Variants in NUBPL observed in about 807,000 individuals in gnomAD.
NUBPL encodes the protein iron-sulfur cluster transfer protein NUBPL.
Under a neutral mutation model 45.7 loss-of-function variants are expected in NUBPL, and 31 were observed. The observed-to-expected ratio is 0.68, with a 90% confidence interval of 0.51 to 0.92. NUBPL has a LOEUF of 0.92. Among genes scored for constraint, NUBPL ranks in the 40% least tolerant of loss-of-function variants. NUBPL has a pLI of 0.00. For missense variants in NUBPL, 401 were observed against 398.7 expected, an observed-to-expected ratio of 1.01 and a Z score of -0.05; for synonymous variants, 144 against 140.9, an observed-to-expected ratio of 1.02 and a Z score of -0.15.
At chr14:31,656,760 G>T (rs2036150563) in intron 4 of NUBPL, among the ~76,000 whole-genome samples, 1 of 152,162 alleles carries the variant, frequency 6.6e-6, no homozygotes, top group African/African-American at 2.4e-5. Context: ...GTGAAATATT[G>T]TCAGAATTGC....
intron 6 of NUBPL, among the ~76,000 whole-genome samples, chr14:31,713,785 C>G (rs1035763915): frequency 1.3e-5 from 2 of 152,076 alleles, no homozygotes; most frequent in Non-Finnish European, 2.9e-5. Flanking sequence ...GTCCTTCTAC[C>G]TCTCCCTTTA....
intron 10 of NUBPL, among the ~76,000 whole-genome samples, chr14:31,852,401 G>A (rs908929184): frequency 7.2e-5 from 11 of 152,126 alleles, no homozygotes; most frequent in Admixed American, 3.9e-4. Context: ...GGCCCGGCAC[G>A]GTGGCTCACG....
intron 6 of NUBPL, among the ~76,000 whole-genome samples, chr14:31,745,787 A>G (rs1399291523): frequency 1.3e-5 from 2 of 151,986 alleles, no homozygotes; most frequent in Non-Finnish European, 2.9e-5. Flanking sequence ...TTATTTGTGC[A>G]TGAGACTAAA....
intron 6 of NUBPL, among the ~76,000 whole-genome samples, chr14:31,683,773 A>C (rs530036382): frequency 6.6e-6 from 1 of 150,786 alleles, no homozygotes; most frequent in East Asian, 1.9e-4. Flanking sequence ...TTTTTTTTCT[A>C]TGTTGTGGGT....
chr14:31,651,652 A>C (rs2036006843), intron 4 of NUBPL, among the ~76,000 whole-genome samples: 1 of 152,174 alleles, frequency 6.6e-6, no homozygotes, highest in South Asian at 2.1e-4. Flanking sequence ...TAATCCCAGC[A>C]CTTTTGGAGG....
intron 4 of NUBPL, among the ~76,000 whole-genome samples, chr14:31,658,190 T>A (rs375798670): frequency 6.6e-6 from 1 of 152,252 alleles, no homozygotes; most frequent in East Asian, 1.9e-4. Flanking sequence ...GTGTGTTATC[T>A]ATTAATCTCA....
chr14:31,615,097 TG>T (rs1394614229), intron 4 of NUBPL, among the ~76,000 whole-genome samples: 1 of 152,118 alleles, frequency 6.6e-6, no homozygotes, highest in Admixed American at 6.5e-5. Flanking sequence ...GACTGGATCA[TG>T]GGGGTGGTTT....
intron 4 of NUBPL, among the ~76,000 whole-genome samples, chr14:31,640,942 T>C (rs1458383565): frequency 8.3e-6 from 1 of 121,056 alleles, no homozygotes; most frequent in East Asian, 2.9e-4. Context: ...CTTATTTCTT[T>C]TTGTTTTTTT....
intron 8 of NUBPL, among the ~76,000 whole-genome samples, chr14:31,831,937 T>C (rs2040200372): frequency 6.6e-6 from 1 of 152,188 alleles, no homozygotes; most frequent in South Asian, 2.1e-4. Context: ...AGGGAACATT[T>C]GCAATGATCA....
At chr14:31,607,322 G>A (rs970904562) in intron 4 of NUBPL, among the ~76,000 whole-genome samples, 1 of 151,818 alleles carries the variant, frequency 6.6e-6, no homozygotes, top group Non-Finnish European at 1.5e-5. Flanking sequence ...GGTGGAGGTT[G>A]CAGTGAGCCG....
Position 31,841,917 on chromosome 14 carries a change from C to CTTTTGTTTTTGTTTTTTTTTTTTTTTTT in NUBPL, c.694-4550_694-4549insGTTTTTGTTTTTTTTTTTTTTTTTTTTT. On this transcript the variant is annotated intron_variant, in intron 8 of 10. Coordinates refer to ENST00000281081, the MANE Select transcript of NUBPL (RefSeq NM_025152.3). ...CTTTCATGTATGGGTCGATTCTGGG[C>CTTTTGTTTTTGTTTTTTTTTTTTTTTTT]TTTTTTTTTTTTTTTTTTTTTTTTT... Among the ~76,000 whole-genome samples, 8 of 43,050 alleles carry CTTTTGTTTTTGTTTTTTTTTTTTTTTTT rather than the reference C, an allele frequency of 1.9e-4. 1 individual carries two copies. Among genetic ancestry groups the CTTTTGTTTTTGTTTTTTTTTTTTTTTTT allele is most frequent in the Non-Finnish European group, 3.4e-4 (8 of 23,472 alleles). The allele number at this position is 43,050 out of a possible 152,430, so 28.2% of individuals were successfully genotyped here.
intron 4 of NUBPL, among the ~76,000 whole-genome samples, chr14:31,628,582 G>T (rs2035266412): frequency 6.6e-6 from 1 of 152,050 alleles, no homozygotes; most frequent in South Asian, 2.1e-4. Context: ...GAAGTCGTAG[G>T]TTTATTTTAT....
At chr14:31,858,201 CTTA>C (rs1212721161) in intron 10 of NUBPL, among the ~76,000 whole-genome samples, 1 of 152,124 alleles carries the variant, frequency 6.6e-6, no homozygotes, top group Non-Finnish European at 1.5e-5. Flanking sequence ...TCTCATGAGA[CTTA>C]TTATCACAAG....
In NUBPL at chr14:31,606,099, C is replaced by CTTTTTT. The variant is rs56899102; in HGVS notation, c.382+6731_382+6736dup. Among the ~76,000 whole-genome samples the CTTTTTT allele has an allele frequency of 4.6e-4, 55 of 120,512 alleles. 1 individual carries two copies. Among genetic ancestry groups the CTTTTTT allele is most frequent in the East Asian group, 1.2e-3 (5 of 4,274 alleles). The allele number at this position is 120,512 out of a possible 152,430, so 79.1% of individuals were successfully genotyped here. ...TTCATCTTCCTTTTTCTTTTCTTTT[C>CTTTTTT]TTTTTTTTTTTTTTTTGAGAGTATC... On this transcript the variant is annotated intron_variant, in intron 4 of 10. Coordinates refer to ENST00000281081, the MANE Select transcript of NUBPL (RefSeq NM_025152.3).
chr14:31,638,805 A>C (rs1260365512), intron 4 of NUBPL, among the ~76,000 whole-genome samples: 1 of 151,860 alleles, frequency 6.6e-6, no homozygotes, highest in African/African-American at 2.4e-5. Context: ...TTTTTCTCTA[A>C]ACTTCCCTTC....
chr14:31,706,890 C>T (rs1049218566), intron 6 of NUBPL, among the ~76,000 whole-genome samples: 3 of 152,220 alleles, frequency 2.0e-5, no homozygotes, highest in African/African-American at 7.2e-5. Flanking sequence ...AATAAGACCT[C>T]ATTCAGTCCA....
chr14:31,763,631 A>G (rs2138736610), intron 6 of NUBPL, among the ~76,000 whole-genome samples: 1 of 152,316 alleles, frequency 6.6e-6, no homozygotes, highest in African/African-American at 2.4e-5. Flanking sequence ...ATTGTCCTAT[A>G]CATTAATATT....
At chr14:31,690,484 A>G (rs1426063473) in intron 6 of NUBPL, among the ~76,000 whole-genome samples, 1 of 152,154 alleles carries the variant, frequency 6.6e-6, no homozygotes, top group Non-Finnish European at 1.5e-5. Flanking sequence ...CTTGCCCTCA[A>G]ACACAACATC....
chr14:31,598,201 A>G (rs987230192), intron 3 of NUBPL, among the ~76,000 whole-genome samples: 1 of 152,224 alleles, frequency 6.6e-6, no homozygotes, highest in Admixed American at 6.5e-5. Flanking sequence ...TTTAGTCAGT[A>G]TAAAGTTGGA....
Sources: allele counts gnomAD v4.1 joint callset (sites outside exome capture counted in the v4.1 genomes callset), GRCh38; gene constraint gnomAD v4.1.1; transcripts MANE v1.5; gene names NCBI Gene and HGNC (gene_info 2026-07-23, HGNC 2026-07-21).